SDK1: variants seen among roughly 807,000 people sequenced by gnomAD.
The protein encoded by SDK1 is sidekick cell adhesion molecule 1, also known as protein sidekick-1.
Under a neutral mutation model 245.5 loss-of-function variants are expected in SDK1, and 157 were observed. The ratio of observed to expected loss-of-function variants is 0.64; its 90% CI spans 0.56 to 0.73. The LOEUF is 0.73. SDK1 is among the 30% of genes least tolerant of loss of function. The probability of loss-of-function intolerance (pLI) is 0.00; values close to 1 mark genes in which losing one functional copy is unlikely to be tolerated. For missense variants in SDK1, 3,583 were observed against 3,002.3 expected, an observed-to-expected ratio of 1.19 and a Z score of -4.52; for synonymous variants, 1,647 against 1,278.5, an observed-to-expected ratio of 1.29 and a Z score of -6.15.
intron 1 of SDK1, among the ~76,000 whole-genome samples, chr7:3,353,404 A>G (rs745561936): frequency 1.3e-5 from 2 of 152,148 alleles, no homozygotes; most frequent in African/African-American, 2.4e-5. Flanking sequence ...AGGAACTCAC[A>G]TGACTCCCAA....
At chr7:4,066,984 G>A (rs930667521) in intron 19 of SDK1, among the ~76,000 whole-genome samples, 4 of 152,208 alleles carry the variant, frequency 2.6e-5, no homozygotes, top group African/African-American at 9.6e-5. Context: ...ATGAGTTTAT[G>A]TTCTGATGAG....
At chr7:3,333,307 C>G (rs1264576533) in intron 1 of SDK1, among the ~76,000 whole-genome samples, 1 of 152,124 alleles carries the variant, frequency 6.6e-6, no homozygotes, top group Non-Finnish European at 1.5e-5. Context: ...CTAGGGAGGT[C>G]ACTGGTGTTT....
chr7:3,937,120 C>G (rs1423957739), intron 5 of SDK1, among the ~76,000 whole-genome samples: 1 of 152,082 alleles, frequency 6.6e-6, no homozygotes, highest in Admixed American at 6.6e-5. Flanking sequence ...CAAGACTGCA[C>G]CGAGATCTGG....
intron 1 of SDK1, among the ~76,000 whole-genome samples, chr7:3,505,030 T>C (rs1562527394): frequency 1.3e-5 from 2 of 152,234 alleles, no homozygotes; most frequent in Non-Finnish European, 2.9e-5. Context: ...TCCTGATGTT[T>C]CATTTCATTC....
chr7:3,874,031 C>G (rs1461059229), intron 5 of SDK1, among the ~76,000 whole-genome samples: 7 of 151,992 alleles, frequency 4.6e-5, no homozygotes, highest in Admixed American at 2.6e-4. Flanking sequence ...TGTTGAAAGC[C>G]TGTTATGTCA....
At chr7:3,560,633 G>A (rs1779719478) in intron 1 of SDK1, among the ~76,000 whole-genome samples, 1 of 152,086 alleles carries the variant, frequency 6.6e-6, no homozygotes, top group Admixed American at 6.5e-5. Context: ...CACAGCGTTG[G>A]CACGATCCTG....
chr7:3,718,589 A>G (rs1007702887), intron 4 of SDK1, among the ~76,000 whole-genome samples: 11 of 148,334 alleles, frequency 7.4e-5, no homozygotes, highest in African/African-American at 1.5e-4. Context: ...ATAAATAAAT[A>G]TCTAACACTC....
chr7:4,214,535 G>A (rs1784681356), intron 38 of SDK1, among the ~76,000 whole-genome samples: 1 of 152,240 alleles, frequency 6.6e-6, no homozygotes, highest in South Asian at 2.1e-4. Context: ...GAGCAGCACT[G>A]TCTTGCTTTG....
At chr7:4,121,862 G>A (rs1382081779) in intron 25 of SDK1, among the ~76,000 whole-genome samples, 2 of 152,202 alleles carry the variant, frequency 1.3e-5, no homozygotes, top group Non-Finnish European at 2.9e-5. Context: ...CTAATTGAAT[G>A]TGTGTTTAAT....
intron 1 of SDK1, among the ~76,000 whole-genome samples, chr7:3,586,999 TGAGGTG>T (rs1466842668): frequency 6.6e-6 from 1 of 151,862 alleles, no homozygotes; most frequent in African/African-American, 2.4e-5. Flanking sequence ...AGTGCTAACT[TGAGGTG>T]GAGGAGGAGG....
intron 5 of SDK1, among the ~76,000 whole-genome samples, chr7:3,949,371 G>T (rs911501864): frequency 6.6e-6 from 1 of 152,212 alleles, no homozygotes; most frequent in Non-Finnish European, 1.5e-5. Flanking sequence ...GCAGTGCAAG[G>T]CAGAGCACAG....
intron 4 of SDK1, among the ~76,000 whole-genome samples, chr7:3,745,402 C>G (rs1779587990): frequency 6.6e-6 from 1 of 152,192 alleles, no homozygotes; most frequent in Admixed American, 6.5e-5. Context: ...ACCTTCACCC[C>G]ACTTCTGCCA....
At chr7:4,196,546 G>T (rs1161280483) in intron 35 of SDK1, among the ~76,000 whole-genome samples, 1 of 152,024 alleles carries the variant, frequency 6.6e-6, no homozygotes, top group African/African-American at 2.4e-5. Flanking sequence ...TGCTCTCCAC[G>T]CCGTAACTCT....
intron 1 of SDK1, among the ~76,000 whole-genome samples, chr7:3,348,766 G>A (rs1397014107): frequency 2.0e-5 from 3 of 152,148 alleles, no homozygotes; most frequent in Non-Finnish European, 4.4e-5. Context: ...GACTTTCTGA[G>A]CTGATCAAGT....
At chr7:3,772,721 C>T (rs1201362822) in intron 4 of SDK1, among the ~76,000 whole-genome samples, 1 of 152,146 alleles carries the variant, frequency 6.6e-6, no homozygotes. Flanking sequence ...TCATTTCATT[C>T]AGAAGGGCTC....
intron 17 of SDK1, among the ~76,000 whole-genome samples, chr7:4,037,979 G>T (rs1788339323): frequency 1.3e-5 from 2 of 152,150 alleles, no homozygotes; most frequent in Non-Finnish European, 1.5e-5. Context: ...CTGGTATATG[G>T]TAGATACTGT....
At chr7:3,713,150 C>G (rs928467189) in intron 4 of SDK1, among the ~76,000 whole-genome samples, 4 of 152,212 alleles carry the variant, frequency 2.6e-5, no homozygotes, top group Non-Finnish European at 5.9e-5. Context: ...TGCCAGCACA[C>G]CCCTGAGATA....
intron 4 of SDK1, among the ~76,000 whole-genome samples, chr7:3,644,122 G>A (rs1409775340): frequency 1.5e-4 from 23 of 150,616 alleles, no homozygotes; most frequent in Admixed American, 9.9e-4. Context: ...GGCTAGTCTC[G>A]AAGTCCTTAC....
intron 44 of SDK1, among the ~76,000 whole-genome samples, chr7:4,247,348 G>T (rs1409367620): frequency 6.6e-6 from 1 of 152,162 alleles, no homozygotes; most frequent in Non-Finnish European, 1.5e-5. Context: ...TTTGCTGTCC[G>T]CACCATAGCC....
Sources: allele counts gnomAD v4.1 joint callset (sites outside exome capture counted in the v4.1 genomes callset), GRCh38; gene constraint gnomAD v4.1.1; transcripts MANE v1.5; gene names NCBI Gene and HGNC (gene_info 2026-07-23, HGNC 2026-07-21).